Variants in RARB observed in about 807,000 individuals in gnomAD.
RARB encodes HBV-activated protein.
In RARB, 17 loss-of-function variants were observed where a neutral mutation model predicts 51.9. The ratio of observed to expected loss-of-function variants is 0.33; its 90% CI spans 0.22 to 0.49. The LOEUF is 0.49. Among genes scored for constraint, RARB ranks in the 20% least tolerant of loss-of-function variants. The pLI is 0.99. For synonymous variants in RARB, 215 were observed against 195.4 expected (o/e 1.10, Z -0.84); for missense variants, 369 against 550.8 (o/e 0.67, Z 3.30).
At chr3:25,159,114 T>G (rs534175111) in intron 4 of RARB, among the ~76,000 whole-genome samples, 44 of 150,942 alleles carry the variant, frequency 2.9e-4, no homozygotes, top group Non-Finnish European at 5.6e-4. Context: ...CCACATTTCC[T>G]CTAGTGATGA....
chr3:25,318,417 G>A (rs4263259), intron 5 of RARB, among the ~76,000 whole-genome samples: 9 of 152,182 alleles, frequency 5.9e-5, no homozygotes, highest in Middle Eastern at 3.4e-3. Flanking sequence ...TTTATGATGC[G>A]ACACTTCAAT....
chr3:25,045,682 A>C (rs1004068349), intron 2 of RARB, among the ~76,000 whole-genome samples: 1 of 152,234 alleles, frequency 6.6e-6, no homozygotes, highest in Non-Finnish European at 1.5e-5. Flanking sequence ...AATGTAAGCT[A>C]TGAGTCTGTG....
At chr3:25,143,385 C>T (rs1338191292) in intron 4 of RARB, among the ~76,000 whole-genome samples, 3 of 152,160 alleles carry the variant, frequency 2.0e-5, no homozygotes, top group Admixed American at 2.0e-4. Context: ...CAAAAAACCC[C>T]TCTAGTACAC....
intron 2 of RARB, among the ~76,000 whole-genome samples, chr3:24,896,529 G>T (rs1001557878): frequency 2.6e-5 from 4 of 152,148 alleles, no homozygotes; most frequent in Non-Finnish European, 5.9e-5. Context: ...AAAGTGCTGG[G>T]ATTACAGGTG....
chr3:25,215,339 G>A (rs891188980), intron 5 of RARB, among the ~76,000 whole-genome samples: 2 of 152,202 alleles, frequency 1.3e-5, no homozygotes, highest in Admixed American at 6.5e-5. Context: ...AGAAGTGTTT[G>A]TGGGAAAGGG....
At chr3:25,134,095 G>A (rs1699994931) in intron 4 of RARB, among the ~76,000 whole-genome samples, 1 of 151,746 alleles carries the variant, frequency 6.6e-6, no homozygotes. Flanking sequence ...AAGTAAACTA[G>A]TTGTATGGCA....
intron 3 of RARB, among the ~76,000 whole-genome samples, chr3:25,508,594 A>C (rs1161074691): frequency 6.6e-6 from 1 of 152,146 alleles, no homozygotes; most frequent in Non-Finnish European, 1.5e-5. Flanking sequence ...AGGGCACTTA[A>C]TGTCTTTCTA....
At chr3:25,437,117 CTTT>C (rs35238900) in intron 1 of RARB, among the ~76,000 whole-genome samples, 2 of 139,636 alleles carry the variant, frequency 1.4e-5, no homozygotes. Flanking sequence ...TAAAAGCAAA[CTTT>C]TTTTTTTTTT....
At chr3:25,146,502 TGTTTGTTTG>T (rs796456590) in intron 4 of RARB, among the ~76,000 whole-genome samples, 11 of 116,942 alleles carry the variant, frequency 9.4e-5, no homozygotes, top group African/African-American at 1.3e-4. Context: ...GTTTTTTGTT[TGTTTGTTTG>T]TTTTTTTTTT....
intron 5 of RARB, among the ~76,000 whole-genome samples, chr3:25,297,738 G>C (rs1485383297): frequency 4.6e-5 from 7 of 152,008 alleles, no homozygotes; most frequent in Middle Eastern, 3.4e-3. Flanking sequence ...CCCCAGTCTA[G>C]TCTCATGCAT....
chr3:25,444,792 C>G (rs1037649437), intron 1 of RARB, among the ~76,000 whole-genome samples: 2 of 152,086 alleles, frequency 1.3e-5, no homozygotes, highest in African/African-American at 2.4e-5. Flanking sequence ...AGGTGGTATT[C>G]ACATTTGGGC....
At chr3:25,415,076 A>G (rs1040283779) in intron 5 of RARB, among the ~76,000 whole-genome samples, 9 of 152,272 alleles carry the variant, frequency 5.9e-5, no homozygotes, top group Admixed American at 2.6e-4. Flanking sequence ...TCCCGACCTC[A>G]GGTGATCTAC....
chr3:25,189,600 T>C (rs321530), intron 5 of RARB, among the ~76,000 whole-genome samples: 31,165 of 152,024 alleles, frequency 0.21, 3,350 homozygotes, highest in South Asian at 0.26. Flanking sequence ...AAATCCTCAG[T>C]TGTTGGGCTG....
At chr3:24,930,335 T>A (rs1385952833) in intron 2 of RARB, among the ~76,000 whole-genome samples, 1 of 152,036 alleles carries the variant, frequency 6.6e-6, no homozygotes, top group Non-Finnish European at 1.5e-5. Flanking sequence ...GGCGTAAGCT[T>A]TACCACCATT....
At chr3:25,192,252 C>T (rs1701121405) in intron 5 of RARB, among the ~76,000 whole-genome samples, 2 of 152,036 alleles carry the variant, frequency 1.3e-5, no homozygotes, top group Non-Finnish European at 2.9e-5. Context: ...GCATAGTAGC[C>T]TCTTGAGGCA....
chr3:25,013,680 A>T (rs1191793845), intron 2 of RARB, among the ~76,000 whole-genome samples: 1 of 152,070 alleles, frequency 6.6e-6, no homozygotes, highest in East Asian at 1.9e-4. Context: ...CACCCTGAAG[A>T]TAGCTTTGTT....
intron 3 of RARB, among the ~76,000 whole-genome samples, chr3:25,076,764 C>G (rs1698879066): frequency 6.6e-6 from 1 of 152,030 alleles, no homozygotes; most frequent in Admixed American, 6.6e-5. Context: ...GTTTTCAAAT[C>G]CTACATGACC....
chr3:24,858,442 C>T (rs900846494), intron 1 of RARB, among the ~76,000 whole-genome samples: 6 of 152,108 alleles, frequency 3.9e-5, no homozygotes, highest in African/African-American at 1.2e-4. Flanking sequence ...ATGGCTGTAC[C>T]CTATCGTGTG....
intron 2 of RARB, among the ~76,000 whole-genome samples, chr3:24,878,153 C>T (rs563564302): frequency 6.6e-6 from 1 of 151,602 alleles, no homozygotes; most frequent in Non-Finnish European, 1.5e-5. Flanking sequence ...TATCATAACT[C>T]TTCTAGTCCA....
Sources: gnomAD v4.1 joint callset for allele counts (sites outside exome capture counted in the v4.1 genomes callset) on GRCh38, gnomAD v4.1.1 for gene constraint, MANE v1.5 for transcripts, NCBI Gene and HGNC (gene_info 2026-07-23, HGNC 2026-07-21) for gene names.